OPLAH: variants seen among roughly 807,000 people sequenced by gnomAD.
OPLAH encodes the protein 5-oxoprolinase, ATP-hydrolysing, also known as 5-oxoprolinase.
OPLAH carries 103 observed loss-of-function variants against 122.8 expected under a neutral mutation model. The observed-to-expected ratio is 0.84, with a 90% CI of 0.71 to 0.99. The LOEUF (loss-of-function observed/expected upper bound fraction) is 0.99, where lower values mean the gene tolerates loss of function less well. Ranked by LOEUF, OPLAH falls within the 50% of genes least tolerant of loss-of-function variation. The pLI, the probability that OPLAH is intolerant of heterozygous loss-of-function variation, is 0.00. For synonymous variants in OPLAH, 875 were observed against 796.0 expected (o/e 1.10, Z -1.67); for missense variants, 1,902 against 1,836.5 (o/e 1.04, Z -0.65).
Position 144,052,829 on chromosome 8 carries a change from T to A in OPLAH, c.3090A>T (p.Val1030=). The stretch of plus-strand genomic sequence containing the variant: ...GGCAGTAGATGAGGGCGGACAGGGT[T>A]ACGGCCCGCGGTGCGTTGAGATTAC... The part of the protein sequence containing the change: ...VFGNLNAPRA[V]TLSALIYCLR... Residue 1030 remains valine, a synonymous_variant, in exon 22 of 27, where the codon GTA becomes GTT. Transcript: ENST00000618853. 1 of 1,558,114 alleles carries A rather than the reference T, an allele frequency of 6.4e-7. No homozygotes were observed. Among genetic ancestry groups the A allele is most frequent in the Non-Finnish European group, 8.7e-7 (1 of 1,151,874 alleles).
rs781797649 is a variant in OPLAH at position 144,052,507 on chromosome 8, G to C, written c.3245C>G (p.Thr1082Arg). The change falls in exon 23 of 27, where the codon ACG (threonine) becomes AGG (arginine). Residue 1082 changes from threonine (T) to arginine (R), a missense_variant. Physicochemically the swap from Thr to Arg is moderately conservative, Grantham distance 71. Around this residue, in one of 3 missense-constraint regions of OPLAH, gnomAD observed 1,726 missense variants for 1,642.1 expected, o/e 1.05. Transcript: ENST00000618853. ...GATGACATCCACCACGCGCTGCGAC[G>C]TGAGCACGTTGCCGCCCACCACCGC... ...EAAVVGGNVL[T>R]SQRVVDVILG... The C allele has an allele frequency of 6.3e-6, 10 of 1,578,252 alleles. No individual in the cohort carries two copies. The highest frequency in any genetic ancestry group is 4.6e-5 in the South Asian group (4 of 87,610).
chr8:144,061,644 G>A (rs895534152), upstream of OPLAH, among the ~76,000 whole-genome samples: 2 of 152,212 alleles, frequency 1.3e-5, no homozygotes, highest in Non-Finnish European at 2.9e-5. Context: ...CCACAGCAAC[G>A]GCACGAAGTT....
Position 144,051,409 on chromosome 8 carries a change from G to A in OPLAH, c.3784C>T (p.Pro1262Ser). 1 of 1,596,450 alleles carries A rather than the reference G, an allele frequency of 6.3e-7. No homozygotes were observed. The highest frequency in any genetic ancestry group is 8.5e-7 in the Non-Finnish European group (1 of 1,173,528). ...GYGDPEDPAPPPGSPPQALAF... is the reference protein window; with the variant it reads ...GYGDPEDPAPSPGSPPQALAF... ...AGTGCTTGCGGGGGCGACCCCGGCG[G>A]TGGGGCGGGGTCCTCCGGGTCCCCA... The change falls in exon 27 of 27, where the codon CCG (proline) becomes TCG (serine). Residue 1262 changes from proline to serine, a missense_variant. Physicochemically the swap from Pro to Ser is moderately conservative, Grantham distance 74. This residue lies in a region of OPLAH where 1,726 missense variants were observed against 1,642.1 expected (regional missense o/e 1.05). Transcript: ENST00000618853.
At chr8:144,052,141 G>A in intron 24 of OPLAH, 28 bp downstream of exon 24, 2 of 1,552,448 alleles carry the variant, frequency 1.3e-6, no homozygotes, top group Non-Finnish European at 1.7e-6. Flanking sequence ...ACCCGGCCGT[G>A]CCCCCAGCCT....
Position 144,056,252 on chromosome 8 carries a change from T to C in OPLAH, c.1991A>G (p.Gln664Arg). Residue 664 changes from glutamine (Q) to arginine (R), a missense_variant, in exon 15 of 27, where the codon CAG becomes CGG. This residue lies in a region of OPLAH where 1,726 missense variants were observed against 1,642.1 expected (regional missense o/e 1.05). Transcript: ENST00000618853. Reference protein sequence around the residue: ...TGPPRVDKMTQCYFEGGYQET... With the variant: ...TGPPRVDKMTRCYFEGGYQET... ...CTGGTAGCCCCCCTCAAAGTAGCAC[T>C]GGGTCATCTGCAGAGGGTGCGGGTG... 6.2e-7 allele frequency: 1 copy of C among 1,611,348 alleles called. No individual in the cohort carries two copies. The highest frequency in any genetic ancestry group is 1.3e-5 in the African/African-American group (1 of 75,024).
chr8:144,056,424 A>G lies in OPLAH; in HGVS notation c.1944T>C (p.Asp648=). 1 of 1,609,070 alleles carries G rather than the reference A, an allele frequency of 6.2e-7. No individual in the cohort carries two copies. Among genetic ancestry groups the G allele is most frequent in the Non-Finnish European group, 8.5e-7 (1 of 1,178,446 alleles). ...GTGRSGLRLE[D]APKAQTGPPR... ...GAGGCCCGGTCTGGGCTTTGGGGGC[A>G]TCCTCGAGGCGAAGACCACTGCGGC... The change falls in exon 14 of 27, where the codon GAT becomes GAC. Residue 648 remains aspartate, a synonymous_variant. Coordinates refer to ENST00000618853, the MANE Select transcript of OPLAH (RefSeq NM_017570.5).
rs1271003307 is a variant in OPLAH, at chr8:144,056,380, C to G, written c.1983+5G>C. 1.9e-6 allele frequency: 3 copies of G among 1,602,606 alleles called. No individual in the cohort carries two copies. Among genetic ancestry groups the G allele is most frequent in the East Asian group, 2.3e-5 (1 of 44,422 alleles). On this transcript the variant is annotated splice_donor_5th_base_variant and intron_variant, in intron 14 of 26. Coordinates refer to ENST00000618853, the MANE Select transcript of OPLAH (RefSeq NM_017570.5). ...TGTCAGGCTGGCACAGGCAGGACCA[C>G]CAACCTTGTCCACCCGGGGAGGCCC...
At chr8:144,050,687 G>T, downstream of OPLAH, 1 of 985,438 alleles carries the variant, frequency 1.0e-6, no homozygotes, top group Non-Finnish European at 1.2e-6. Flanking sequence ...GAGCAGCCCT[G>T]GGCCCTGGGT....
intron 26 of OPLAH, 127 bp downstream of exon 26, chr8:144,051,602 C>G: frequency 1.7e-6 from 2 of 1,155,706 alleles, no homozygotes; most frequent in Non-Finnish European, 2.4e-6. Flanking sequence ...GCCCGGTACG[C>G]GCCCCCTTTC....
In OPLAH at chr8:144,056,689, C is replaced by T. The variant is rs2129803654; in HGVS notation, c.1773G>A (p.Val591=). 1 of 1,611,724 alleles carries T rather than the reference C, an allele frequency of 6.2e-7. No individual in the cohort carries two copies. The highest frequency in any genetic ancestry group is 8.5e-7 in the Non-Finnish European group (1 of 1,179,620). The change falls in exon 13 of 27, where the codon GTG becomes GTA. Residue 591 remains valine, a synonymous_variant. Transcript: ENST00000618853. The part of the protein sequence containing the change: ...RYQGTDCALM[V]SAHQHPATAR... ...CTGTGGCTGGGTGCTGGTGGGCAGACACCATCAGAGCACAGTCCGTGCCCT... is the reference window on the plus strand; with the variant it reads ...CTGTGGCTGGGTGCTGGTGGGCAGATACCATCAGAGCACAGTCCGTGCCCT...
At chr8:144,058,734 G>C in intron 5 of OPLAH, 39 bp downstream of exon 5, 10 of 1,581,808 alleles carry the variant, frequency 6.3e-6, no homozygotes, top group Non-Finnish European at 8.6e-6. Context: ...CACCAGGCCC[G>C]GCACCTGCTC....
chr8:144,054,970 T>TGGGGGGGGGGGGGAGGGGGGGGGGG, intron 17 of OPLAH, 57 bp from the exon 18 acceptor site: 1 of 306,198 alleles, frequency 3.3e-6, no homozygotes. Context: ...CAGAGCGGGG[T>TGGGGGGGGGGGGGAGGGGGGGGGGG]GGGGGGGGGG....
Position 144,055,707 on chromosome 8 carries a change from C to T in OPLAH, c.2248+81G>A. The T allele has an allele frequency of 7.1e-7, 1 of 1,400,692 alleles. No homozygotes were observed. The highest frequency in any genetic ancestry group is 9.3e-7 in the Non-Finnish European group (1 of 1,073,448). 86.8% of individuals were successfully genotyped at this position (1,400,692 alleles called of 1,614,324 possible). A position where few individuals can be genotyped will look rare whatever the true frequency, so the allele number is the denominator to read the frequency against. On this transcript the variant is annotated intron_variant, in intron 16 of 26. Coordinates refer to ENST00000618853, the MANE Select transcript of OPLAH (RefSeq NM_017570.5). The surrounding 1 kb of genome is among the most constrained non-coding windows in gnomAD (Gnocchi z 6.5). Reference sequence around the variant, plus strand: ...GCCAGGGGGTCCTGCTTCTGCCTCTCCCTTTGGGCACAGCCCTGCCAGCTA... The same window carrying T: ...GCCAGGGGGTCCTGCTTCTGCCTCTTCCTTTGGGCACAGCCCTGCCAGCTA...
chr8:144,052,630 T>C, intron 22 of OPLAH, 32 bp from the exon 23 acceptor site: 1 of 1,568,156 alleles, frequency 6.4e-7, no homozygotes, highest in South Asian at 1.2e-5. Flanking sequence ...CAGGAGCTCT[T>C]GGGGTGGGCT....
rs782221792 is a variant in OPLAH, at chr8:144,054,689, C to T, written c.2558G>A (p.Arg853Gln). 22 of 1,612,324 alleles carry T rather than the reference C, an allele frequency of 1.4e-5. No individual in the cohort carries two copies. In the East Asian group the frequency reaches 2.2e-4, roughly 16 times the overall value. ...QTRPVFYVAS[R>Q]GHHADIGGIT... ...GCCCCCGATGTCTGCGTGGTGCCCTCGGCTGGCCACATAGAACACAGGCCG... is the reference window on the plus strand; with the variant it reads ...GCCCCCGATGTCTGCGTGGTGCCCTTGGCTGGCCACATAGAACACAGGCCG... Residue 853 changes from arginine to glutamine, a missense_variant, in exon 19 of 27, where the codon CGA becomes CAA. Physicochemically the swap from Arg to Gln is conservative, Grantham distance 43. This residue lies in a region of OPLAH where 1,726 missense variants were observed against 1,642.1 expected (regional missense o/e 1.05). Coordinates refer to ENST00000618853, the MANE Select transcript of OPLAH (RefSeq NM_017570.5).
intron 19 of OPLAH, 32 bp from the exon 20 acceptor site, chr8:144,053,425 G>C: frequency 6.4e-7 from 1 of 1,574,226 alleles, no homozygotes. Context: ...TGAGCCCCTG[G>C]CCAACCCTGT....
At position 144,055,806 on chromosome 8, in the gene OPLAH, G is replaced by A. The variant is rs371837669; in HGVS notation, c.2230C>T (p.Arg744Cys). Residue 744 changes from arginine (R) to cysteine (C), a missense_variant, in exon 16 of 27, where the codon CGC (arginine) becomes TGC (cysteine). Transcript: ENST00000618853. This position sits in a 1 kb window ranked among gnomAD's most constrained non-coding sequence, Gnocchi z 6.5. ...DPIQLSIFSHRFMSIAEQMGR... is the reference protein window; with the variant it reads ...DPIQLSIFSHCFMSIAEQMGR... Reference sequence around the variant, plus strand: ...CACTCACCAGCAATGCTCATGAAGCGGTGTGAGAAGATGGACAGCTGGATA... The same window carrying A: ...CACTCACCAGCAATGCTCATGAAGCAGTGTGAGAAGATGGACAGCTGGATA... 1.7e-5 allele frequency: 26 copies of A among 1,554,374 alleles called. No homozygotes were observed. Among genetic ancestry groups the A allele is most frequent in the South Asian group, 8.4e-5 (7 of 83,476 alleles).
rs368635173 is a variant in OPLAH at position 144,051,408 on chromosome 8, G to A, written c.3785C>T (p.Pro1262Leu). 9.8e-5 allele frequency: 157 copies of A among 1,595,826 alleles called. No homozygotes were observed. The African/African-American group carries it at 1.8e-3, about 19-fold the overall frequency. Reference sequence around the variant, plus strand: ...CAGTGCTTGCGGGGGCGACCCCGGCGGTGGGGCGGGGTCCTCCGGGTCCCC... The same window carrying A: ...CAGTGCTTGCGGGGGCGACCCCGGCAGTGGGGCGGGGTCCTCCGGGTCCCC... The part of the protein sequence containing the change: ...GYGDPEDPAP[P>L]PGSPPQALAF... The change falls in exon 27 of 27, where the codon CCG becomes CTG. Residue 1262 changes from proline to leucine, a missense_variant. By Grantham distance (98) the Pro-to-Leu change is moderately conservative. Around this residue, in one of 3 missense-constraint regions of OPLAH, gnomAD observed 1,726 missense variants for 1,642.1 expected, o/e 1.05. Transcript: ENST00000618853.
In OPLAH at chr8:144,052,819, C is replaced by A. The variant is rs781950603; in HGVS notation, c.3100G>T (p.Ala1034Ser). The A allele has an allele frequency of 4.5e-6, 7 of 1,560,540 alleles. No individual in the cohort carries two copies. In the East Asian group the frequency reaches 9.7e-5, roughly 22 times the overall value. ...LNAPRAVTLS[A>S]LIYCLRCLVG... ...AGACAGCGCAGGCAGTAGATGAGGG[C>A]GGACAGGGTTACGGCCCGCGGTGCG... The change falls in exon 22 of 27, where the codon GCC becomes TCC. Residue 1034 changes from alanine to serine, a missense_variant. Ala to Ser is a moderately conservative substitution (Grantham distance 99). Coordinates refer to ENST00000618853, the MANE Select transcript of OPLAH (RefSeq NM_017570.5).
Sources: gnomAD v4.1 joint callset for allele counts (sites outside exome capture counted in the v4.1 genomes callset) on GRCh38, gnomAD v4.1.1 for gene constraint, gnomAD v4.1.1 regional missense constraint, Gnocchi (gnomAD v3.1) non-coding constraint, MANE v1.5 for transcripts, NCBI Gene and HGNC (gene_info 2026-07-23, HGNC 2026-07-21) for gene names.